Variants in SLIT2 observed in about 807,000 individuals in gnomAD.
SLIT2 encodes slit guidance ligand 2.
In SLIT2, 41 loss-of-function variants were observed where a neutral mutation model predicts 185.7. That is an observed-to-expected ratio of 0.22 (90% CI 0.17 to 0.29). SLIT2 has a LOEUF of 0.29. Ranked by LOEUF, SLIT2 falls within the 10% of genes least tolerant of loss-of-function variation. SLIT2 has a pLI of 1.00. For synonymous variants in SLIT2, 693 were observed against 680.2 expected (o/e 1.02, Z -0.29); for missense variants, 1,571 against 1,909.0 (o/e 0.82, Z 3.30).
intron 4 of SLIT2, among the ~76,000 whole-genome samples, chr4:20,366,219 C>G (rs763818727): frequency 5.9e-5 from 9 of 152,030 alleles, no homozygotes; most frequent in Admixed American, 2.0e-4. Context: ...TTCTCCTACT[C>G]TTTATTCTAT....
intron 9 of SLIT2, among the ~76,000 whole-genome samples, chr4:20,508,227 T>C (rs572993367): frequency 3.3e-5 from 5 of 151,998 alleles, no homozygotes; most frequent in African/African-American, 1.2e-4. Flanking sequence ...ACGAATAGAA[T>C]ATAGTGGAAT....
intron 4 of SLIT2, among the ~76,000 whole-genome samples, chr4:20,368,713 TG>T (rs1168496638): frequency 6.6e-6 from 1 of 152,164 alleles, no homozygotes; most frequent in Non-Finnish European, 1.5e-5. Flanking sequence ...TGATAAAGTT[TG>T]ACAGGTGCTC....
rs534060808 is a variant in SLIT2, at chr4:20,379,816, G to A, written c.396-87936G>A. Among the ~76,000 whole-genome samples, 14 of 152,232 alleles carry A rather than the reference G, an allele frequency of 9.2e-5. No homozygotes were observed. In the South Asian group the frequency reaches 1.0e-3, roughly 11 times the overall value. ...TCCGCGACTCCCCAAGCTTACTATC[G>A]GGAAGGAATTTCAAAACAGTGCGGG... On this transcript the variant is annotated intron_variant, in intron 4 of 36. Coordinates refer to ENST00000504154, the MANE Select transcript of SLIT2 (RefSeq NM_004787.4).
intron 11 of SLIT2, among the ~76,000 whole-genome samples, chr4:20,518,587 ATTTTTTTTTTTTTTTTTTTTT>A (rs71181568): frequency 5.6e-5 from 1 of 17,862 alleles, no homozygotes; most frequent in Non-Finnish European, 9.0e-5. Flanking sequence ...ATATATATAT[ATTTTTTTTTTTTTTTTTTTTT>A]TTTTTTTTTT....
chr4:20,474,651 C>T (rs1293049212), intron 5 of SLIT2, among the ~76,000 whole-genome samples: 1 of 151,952 alleles, frequency 6.6e-6, no homozygotes, highest in Non-Finnish European at 1.5e-5. Context: ...TCTTATGATA[C>T]AGAATGGACC....
At chr4:20,463,450 TATA>T (rs1560444334) in intron 4 of SLIT2, among the ~76,000 whole-genome samples, 1 of 20,554 alleles carries the variant, frequency 4.9e-5, no homozygotes, top group Non-Finnish European at 9.3e-5. Context: ...CAAACTGTGA[TATA>T]TATATATATA....
At chr4:20,360,663 A>T (rs895843460) in intron 4 of SLIT2, among the ~76,000 whole-genome samples, 1 of 152,184 alleles carries the variant, frequency 6.6e-6, no homozygotes, top group Non-Finnish European at 1.5e-5. Flanking sequence ...TACATAAAAA[A>T]TATATGTGAT....
intron 26 of SLIT2, among the ~76,000 whole-genome samples, chr4:20,554,724 T>C (rs1334585619): frequency 6.6e-6 from 1 of 151,892 alleles, no homozygotes; most frequent in East Asian, 1.9e-4. Flanking sequence ...AGTTTACTAT[T>C]ATTCTTAGAT....
At chr4:20,478,867 A>G (rs1016750332) in intron 5 of SLIT2, among the ~76,000 whole-genome samples, 2 of 152,216 alleles carry the variant, frequency 1.3e-5, no homozygotes, top group Non-Finnish European at 2.9e-5. Context: ...TAATTGTTAA[A>G]TGAATTTAAT....
intron 26 of SLIT2, among the ~76,000 whole-genome samples, chr4:20,563,078 C>T (rs1724826477): frequency 6.6e-6 from 1 of 151,684 alleles, no homozygotes; most frequent in South Asian, 2.1e-4. Flanking sequence ...AATCGAGGTC[C>T]AACAGTTCTT....
chr4:20,296,408 T>C (rs1716484862), intron 4 of SLIT2, among the ~76,000 whole-genome samples: 1 of 152,242 alleles, frequency 6.6e-6, no homozygotes, highest in Non-Finnish European at 1.5e-5. Context: ...TGATTTAATT[T>C]AGTAGTTTTA....
At chr4:20,404,889 G>A (rs1002104651) in intron 4 of SLIT2, among the ~76,000 whole-genome samples, 2 of 151,910 alleles carry the variant, frequency 1.3e-5, no homozygotes, top group Non-Finnish European at 2.9e-5. Flanking sequence ...ACTAGAAATA[G>A]CATTTAAAGG....
chr4:20,543,098 C>G (rs1722959839), intron 21 of SLIT2, among the ~76,000 whole-genome samples: 4 of 151,730 alleles, frequency 2.6e-5, no homozygotes, highest in Admixed American at 2.6e-4. Context: ...TCTGTGACCC[C>G]TAGGAGAAAA....
At chr4:20,572,562 C>CAAT (rs1725699204) in intron 29 of SLIT2, among the ~76,000 whole-genome samples, 2 of 152,174 alleles carry the variant, frequency 1.3e-5, no homozygotes, top group South Asian at 4.1e-4. Context: ...AACCTAACAC[C>CAAT]TATGCAAATA....
At chr4:20,377,041 TAAA>T (rs542686588) in intron 4 of SLIT2, among the ~76,000 whole-genome samples, 124 of 151,060 alleles carry the variant, frequency 8.2e-4, no homozygotes, top group Non-Finnish European at 1.6e-3. Context: ...GTAAAAAAAA[TAAA>T]AAGAGAGAGA....
chr4:20,329,429 T>C (rs1180119737), intron 4 of SLIT2, among the ~76,000 whole-genome samples: 1 of 152,036 alleles, frequency 6.6e-6, no homozygotes, highest in Non-Finnish European at 1.5e-5. Context: ...TCTTATTAAA[T>C]AAGGAGAATT....
Position 20,254,864 on chromosome 4 carries a change from C to A in SLIT2, c.179+870C>A. ...TGCGCCCCTTCACGTGGCAGCAGTT[C>A]CCCTGCCTTCCCCTCTTCGCGCTCC... is the stretch of plus-strand genomic sequence containing the variant. On this transcript the variant is annotated intron_variant, in intron 1 of 36. Coordinates refer to ENST00000504154, the MANE Select transcript of SLIT2 (RefSeq NM_004787.4). This position sits in a 1 kb window ranked among gnomAD's most constrained non-coding sequence, Gnocchi z 5.1. 2.2e-6 allele frequency: 1 copy of A among 452,818 alleles called. No homozygotes were observed. Among genetic ancestry groups the A allele is most frequent in the East Asian group, 7.0e-5 (1 of 14,342 alleles). 28.1% of individuals were successfully genotyped at this position (452,818 alleles called of 1,614,324 possible).
chr4:20,480,811 T>C (rs1193874454), intron 6 of SLIT2, 24 bp downstream of exon 6: 1 of 1,563,082 alleles, frequency 6.4e-7, no homozygotes, highest in Non-Finnish European at 8.8e-7. Flanking sequence ...TTTCTCTTGC[T>C]CTTTTAACGG....
chr4:20,305,180 A>G (rs745508083), intron 4 of SLIT2, among the ~76,000 whole-genome samples: 10 of 152,058 alleles, frequency 6.6e-5, no homozygotes, highest in African/African-American at 9.7e-5. Flanking sequence ...TCTGCTTTTT[A>G]TTTTTGCTTT....
Sources: gnomAD v4.1 joint callset for allele counts (sites outside exome capture counted in the v4.1 genomes callset) on GRCh38, gnomAD v4.1.1 for gene constraint, Gnocchi (gnomAD v3.1) non-coding constraint, MANE v1.5 for transcripts, NCBI Gene and HGNC (gene_info 2026-07-23, HGNC 2026-07-21) for gene names.